ZNF532: variants seen among roughly 807,000 people sequenced by gnomAD.
The protein encoded by ZNF532 is zinc finger protein 532.
In ZNF532, 22 loss-of-function variants were observed where a neutral mutation model predicts 89.3. That is an observed-to-expected ratio of 0.25 (90% CI 0.18 to 0.35). The LOEUF (loss-of-function observed/expected upper bound fraction) is 0.35, where lower values mean the gene tolerates loss of function less well. ZNF532 is among the 10% of genes least tolerant of loss of function. The pLI is 1.00. For synonymous variants in ZNF532, 606 were observed against 649.6 expected, an observed-to-expected ratio of 0.93 and a Z score of 1.02; for missense variants, 1,132 against 1,643.4, an observed-to-expected ratio of 0.69 and a Z score of 5.38.
chr18:58,967,350 C>T (rs2066017820), intron 7 of ZNF532, among the ~76,000 whole-genome samples: 4 of 152,188 alleles, frequency 2.6e-5, no homozygotes, highest in Admixed American at 2.6e-4. Flanking sequence ...TCCTTTTCCA[C>T]CTCTCCTCCC....
intron 2 of ZNF532, among the ~76,000 whole-genome samples, chr18:58,894,133 C>T (rs149665970): frequency 1.4e-3 from 212 of 152,280 alleles, no homozygotes; most frequent in East Asian, 8.7e-3. Flanking sequence ...CATTTATGCA[C>T]AGGAGCATAA....
chr18:58,873,835 A>C (rs994940050), intron 2 of ZNF532, among the ~76,000 whole-genome samples: 1 of 152,154 alleles, frequency 6.6e-6, no homozygotes, highest in Non-Finnish European at 1.5e-5. Context: ...GGAGATTTTC[A>C]CTTGCCTTTG....
chr18:58,965,330 G>T (rs2065814018), intron 7 of ZNF532, among the ~76,000 whole-genome samples: 1 of 152,204 alleles, frequency 6.6e-6, no homozygotes, highest in South Asian at 2.1e-4. Flanking sequence ...CCTGAGGGGA[G>T]ACAGTTACGA....
intron 6 of ZNF532, among the ~76,000 whole-genome samples, chr18:58,951,346 G>T (rs947834921): frequency 2.0e-5 from 3 of 152,154 alleles, no homozygotes; most frequent in Non-Finnish European, 2.9e-5. Context: ...TCTTACAGAA[G>T]AATATTTTAA....
chr18:58,888,876 TTA>T (rs1289018543), intron 2 of ZNF532, among the ~76,000 whole-genome samples: 9 of 42,326 alleles, frequency 2.1e-4, no homozygotes, highest in Non-Finnish European at 2.7e-4. Flanking sequence ...ATAATATATA[TTA>T]TATATATATA....
At chr18:58,867,406 T>A (rs1568197237) in intron 2 of ZNF532, among the ~76,000 whole-genome samples, 1 of 152,216 alleles carries the variant, frequency 6.6e-6, no homozygotes, top group East Asian at 1.9e-4. Flanking sequence ...GCTGGTTCTC[T>A]GGGGCGGGAG....
intron 7 of ZNF532, among the ~76,000 whole-genome samples, chr18:58,967,388 G>T (rs2066024284): frequency 6.6e-6 from 1 of 152,142 alleles, no homozygotes; most frequent in African/African-American, 2.4e-5. Context: ...TCTTGTTCCA[G>T]CAATACAGAG....
chr18:58,888,760 T>A (rs1468442751), intron 2 of ZNF532, among the ~76,000 whole-genome samples: 3 of 6,568 alleles, frequency 4.6e-4, no homozygotes, highest in South Asian at 6.0e-3. Flanking sequence ...TATATAAAAT[T>A]AATATATATA....
At position 58,865,167 on chromosome 18, in the gene ZNF532, A is replaced by G. The variant is rs1417067739; in HGVS notation, c.-346A>G. ...AAAAATGTGCCTTGCTAGGGTGGGG[A>G]CACTTGGTTGATGCAGTCTCTCTCT... On this transcript the variant is annotated 5_prime_UTR_variant, in exon 1 of 10. Coordinates refer to ENST00000591808, the MANE Select transcript of ZNF532 (RefSeq NM_001375912.1). 1 of 151,400 alleles carries G rather than the reference A, an allele frequency of 6.6e-6. No individual in the cohort carries two copies. Among genetic ancestry groups the G allele is most frequent in the African/African-American group, 2.4e-5 (1 of 41,206 alleles). The allele number at this position is 151,400 out of a possible 1,614,324, so 9.4% of individuals were successfully genotyped here.
At chr18:58,921,394 CTGT>C (rs2061071337) in intron 3 of ZNF532, among the ~76,000 whole-genome samples, 1 of 152,198 alleles carries the variant, frequency 6.6e-6, no homozygotes, top group Non-Finnish European at 1.5e-5. Flanking sequence ...ACTGAGCTTA[CTGT>C]TGTTATTTAT....
chr18:58,869,138 G>A (rs568115739), intron 2 of ZNF532, among the ~76,000 whole-genome samples: 4 of 152,188 alleles, frequency 2.6e-5, no homozygotes, highest in Non-Finnish European at 4.4e-5. Flanking sequence ...GTTGGTTTGC[G>A]TTGCATGACT....
intron 7 of ZNF532, among the ~76,000 whole-genome samples, chr18:58,960,131 GTT>G (rs1219667210): frequency 6.6e-6 from 1 of 152,158 alleles, no homozygotes; most frequent in Non-Finnish European, 1.5e-5. Context: ...TAGAGACAGG[GTT>G]TCACCCTGTT....
intron 4 of ZNF532, among the ~76,000 whole-genome samples, 170 bp from the exon 5 acceptor site, chr18:58,939,275 A>AC (rs2062771646): frequency 6.8e-6 from 1 of 146,796 alleles, no homozygotes; most frequent in Non-Finnish European, 1.5e-5. Flanking sequence ...AAAAAAAAAA[A>AC]CCCATAAACA....
At chr18:58,941,008 C>T (rs1037523212) in intron 5 of ZNF532, among the ~76,000 whole-genome samples, 37 of 144,388 alleles carry the variant, frequency 2.6e-4, no homozygotes, top group African/African-American at 9.0e-4. Context: ...TTTGTTGAAA[C>T]ATTTAGTTTT....
At position 58,864,877 on chromosome 18, in the gene ZNF532, A is replaced by G. The variant is rs1244497694; in HGVS notation, c.-636A>G. On this transcript the variant is annotated 5_prime_UTR_variant, in exon 1 of 10. Transcript: ENST00000591808. The stretch of plus-strand genomic sequence containing the variant: ...CACAATGCAGTCACTGAGCTACTAC[A>G]GTAGGATAGCAGCTTCCTCCCTTCA... 1 of 152,338 alleles carries G rather than the reference A, an allele frequency of 6.6e-6. No homozygotes were observed. The highest frequency in any genetic ancestry group is 1.5e-5 in the Non-Finnish European group (1 of 68,140). 9.4% of individuals were successfully genotyped at this position (152,338 alleles called of 1,614,324 possible).
upstream of ZNF532, chr18:58,864,493 A>T (rs1375701267): frequency 6.6e-6 from 1 of 151,118 alleles, no homozygotes; most frequent in Non-Finnish European, 1.5e-5. Context: ...ACACACTGAC[A>T]CACACGTACA....
Position 58,865,872 on chromosome 18 carries a change from C to CT in ZNF532, c.-18+294dup, listed in dbSNP as rs546691960. On this transcript the variant is annotated intron_variant, in intron 2 of 9. Coordinates refer to ENST00000591808, the MANE Select transcript of ZNF532 (RefSeq NM_001375912.1). The stretch of plus-strand genomic sequence containing the variant: ...GCGTCAGGGCCTTGTGGAGAATGTG[C>CT]TGTTTTGCATAAGACGAAAGCAGTA... 3.3e-5 allele frequency among the ~76,000 whole-genome samples: 5 copies of CT among 152,298 alleles called. No individual in the cohort carries two copies. The South Asian group carries it at 1.0e-3, about 32-fold the overall frequency.
intron 3 of ZNF532, 133 bp from the exon 4 acceptor site, chr18:58,934,300 C>A: frequency 1.2e-6 from 1 of 830,828 alleles, no homozygotes. Context: ...TGGCTTTTCC[C>A]TTGGGCTTAG....
At chr18:58,911,916 C>CTGTG (rs2060307024) in intron 2 of ZNF532, among the ~76,000 whole-genome samples, 1 of 152,072 alleles carries the variant, frequency 6.6e-6, no homozygotes, top group African/African-American at 2.4e-5. Flanking sequence ...TCTTAGAGAG[C>CTGTG]TGTGATGTGA....
Sources: gnomAD v4.1 joint callset for allele counts (sites outside exome capture counted in the v4.1 genomes callset) on GRCh38, gnomAD v4.1.1 for gene constraint, MANE v1.5 for transcripts, NCBI Gene and HGNC (gene_info 2026-07-23, HGNC 2026-07-21) for gene names.